ABCG5: variants seen among roughly 807,000 people sequenced by gnomAD.
ABCG5 encodes the protein ATP binding cassette subfamily G member 5.
A neutral mutation model predicts 64.5 loss-of-function variants in ABCG5; 64 were observed. The observed-to-expected ratio is 0.99, with a 90% CI of 0.81 to 1.22. The LOEUF is 1.22. Among genes scored for constraint, ABCG5 ranks in the 50% most tolerant of loss-of-function variants. The pLI is 0.00. For synonymous variants in ABCG5, 385 were observed against 326.3 expected (o/e 1.18, Z -1.94); for missense variants, 908 against 829.5 (o/e 1.09, Z -1.16).
chr2:43,811,088 G>T (rs1048990988), downstream of ABCG5, among the ~76,000 whole-genome samples: 3 of 152,136 alleles, frequency 2.0e-5, no homozygotes, highest in Admixed American at 1.3e-4. Flanking sequence ...ATGAATAGTA[G>T]AAAATGTTTC....
At chr2:43,806,352 A>T in the ABCG5 span, among the ~76,000 whole-genome samples, 9 of 152,334 alleles carry the variant, frequency 5.9e-5, no homozygotes, top group Admixed American at 3.9e-4. Flanking sequence ...GGTAACCTGA[A>T]AACAGCTGTC....
intron 12 of ABCG5, among the ~76,000 whole-genome samples, chr2:43,813,818 A>G (rs1252758643): frequency 6.9e-6 from 1 of 145,726 alleles, no homozygotes; most frequent in Admixed American, 7.2e-5. Flanking sequence ...CCCAGATTCA[A>G]GTGATTCTCA....
rs747621786 is a variant in ABCG5 at position 43,824,121 on chromosome 2, G to A, written c.1119-3C>T. ...TCACCAAGTTTCTTGTCACTCTCCT[G>A]AAAACAAACAACCCTGTTTTAATTC... On this transcript the variant is annotated splice_region_variant and splice_polypyrimidine_tract_variant and intron_variant, in intron 8 of 12. Coordinates refer to ENST00000405322, the MANE Select transcript of ABCG5 (RefSeq NM_022436.3). 9 of 1,614,174 alleles carry A rather than the reference G, an allele frequency of 5.6e-6. No homozygotes were observed. Among genetic ancestry groups the A allele is most frequent in the Non-Finnish European group, 7.6e-6 (9 of 1,180,036 alleles).
At chr2:43,816,543 C>T (rs1666843187) in intron 11 of ABCG5, among the ~76,000 whole-genome samples, 1 of 152,058 alleles carries the variant, frequency 6.6e-6, no homozygotes, top group African/African-American at 2.4e-5. Flanking sequence ...TTGGTTTGTG[C>T]TTTGTCTTTT....
chr2:43,826,137 G>A (rs902437838), intron 6 of ABCG5, among the ~76,000 whole-genome samples: 1 of 151,776 alleles, frequency 6.6e-6, no homozygotes, highest in Non-Finnish European at 1.5e-5. Flanking sequence ...CACCATGCCT[G>A]GCTAATTTTT....
Position 43,820,081 on chromosome 2 carries a change from C to G in ABCG5, c.1483G>C (p.Glu495Gln), listed in dbSNP as rs766464428. ...GAAAAATATCCAAATCGGGCAACCT[C>G]AGGATGTAAGCCCAGCGTCCTAGAA... ...VCYWTLGLHP[E>Q]VARFGYFSAA... is the part of the protein sequence containing the mutation. The change falls in exon 11 of 13, where the codon GAG becomes CAG. Residue 495 changes from glutamate to glutamine, a missense_variant. Coordinates refer to ENST00000405322, the MANE Select transcript of ABCG5 (RefSeq NM_022436.3). The G allele has an allele frequency of 6.2e-6, 10 of 1,613,922 alleles. No homozygotes were observed. In the South Asian group the frequency reaches 1.1e-4, roughly 18 times the overall value.
At chr2:43,810,467 C>T (rs770513367), downstream of ABCG5, 23 of 985,382 alleles carry the variant, frequency 2.3e-5, no homozygotes, top group Non-Finnish European at 2.4e-5. Flanking sequence ...GTGGGATAGC[C>T]TTTAAGAAGC....
In ABCG5 at chr2:43,819,944, C is replaced by T. The variant is rs145527220; in HGVS notation, c.1620G>A (p.Ala540=). The T allele has an allele frequency of 3.0e-5, 48 of 1,613,994 alleles. No individual in the cohort carries two copies. The highest frequency in any genetic ancestry group is 6.7e-5 in the East Asian group (3 of 44,890). ...GGAATCCAGATCCAACAAGCACCCC[C>T]GCAATGGACAGCAGAGCCACTACAC... ...VNSVVALLSI[A]GVLVGSGFLR... is the part of the protein sequence containing the mutation. The change falls in exon 11 of 13, where the codon GCG becomes GCA. Residue 540 remains alanine (A), a synonymous_variant. Coordinates refer to ENST00000405322, the MANE Select transcript of ABCG5 (RefSeq NM_022436.3).
chr2:43,813,709 G>GGT (rs1666623066), intron 12 of ABCG5, among the ~76,000 whole-genome samples: 3 of 34,064 alleles, frequency 8.8e-5, no homozygotes, highest in Non-Finnish European at 1.6e-4. Context: ...TTTTTTTTTC[G>GGT]TTTTTTTTTT....
chr2:43,822,263 G>C (rs886992302), intron 10 of ABCG5, among the ~76,000 whole-genome samples: 1 of 151,982 alleles, frequency 6.6e-6, no homozygotes, highest in Non-Finnish European at 1.5e-5. Context: ...CTCCCTTTAT[G>C]CTTCACCTCC....
At chr2:43,838,854 C>G, upstream of ABCG5, 1 of 1,303,068 alleles carries the variant, frequency 7.7e-7, no homozygotes, top group Non-Finnish European at 1.1e-6. This position sits in a 1 kb window ranked among gnomAD's most constrained non-coding sequence, Gnocchi z 4.2. Flanking sequence ...TACCTTTAGC[C>G]AGCGCGTCCT....
Position 43,838,684 on chromosome 2 carries a change from A to G in ABCG5, c.-5T>C. ...CAAAGATGAGAGGTCACCCATGGCC[A>G]ACAGGCAGCAAAGCTGGGCAAATTT... On this transcript the variant is annotated 5_prime_UTR_variant, in exon 1 of 13. Coordinates refer to ENST00000405322, the MANE Select transcript of ABCG5 (RefSeq NM_022436.3). The surrounding 1 kb of genome is among the most constrained non-coding windows in gnomAD (Gnocchi z 4.2). 5.0e-6 allele frequency: 8 copies of G among 1,613,544 alleles called. No individual in the cohort carries two copies. The highest frequency in any genetic ancestry group is 6.8e-6 in the Non-Finnish European group (8 of 1,179,908).
chr2:43,830,815 T>A (rs1667909110), intron 4 of ABCG5, among the ~76,000 whole-genome samples: 1 of 152,202 alleles, frequency 6.6e-6, no homozygotes, highest in East Asian at 1.9e-4. Context: ...CCCGGTGGGT[T>A]TACCTGTGGC....
chr2:43,820,273 T>C (rs1667102070), intron 10 of ABCG5, among the ~76,000 whole-genome samples, 173 bp from the exon 11 acceptor site: 1 of 152,216 alleles, frequency 6.6e-6, no homozygotes, highest in Admixed American at 6.5e-5. Context: ...TGAGACTATT[T>C]ATTATATCAA....
chr2:43,823,342 CCA>C (rs1667371138), intron 9 of ABCG5, among the ~76,000 whole-genome samples: 1 of 147,568 alleles, frequency 6.8e-6, no homozygotes, highest in African/African-American at 2.5e-5. Context: ...CAGGCAAACC[CCA>C]CAGATGCAGA....
At chr2:43,810,674 A>G (rs762457877), downstream of ABCG5, among the ~76,000 whole-genome samples, 4 of 152,204 alleles carry the variant, frequency 2.6e-5, no homozygotes, top group East Asian at 1.9e-4. Flanking sequence ...GCTTATTGCA[A>G]TGAACTAGGA....
chr2:43,838,551 G>C lies in ABCG5; in HGVS notation c.129C>G (p.Ala43=). ...CTCTGCCTTACCTGACGCTGTAGGA[G>C]GCATGGAGGATGCCCAGGCTGTGAG... is the stretch of plus-strand genomic sequence containing the variant. ...PEPHSLGILH[A]SYSVSHRVRP... is the part of the protein sequence containing the mutation. The change falls in exon 1 of 13, where the codon GCC becomes GCG. Residue 43 remains alanine, a synonymous_variant. Coordinates refer to ENST00000405322, the MANE Select transcript of ABCG5 (RefSeq NM_022436.3). This position sits in a 1 kb window ranked among gnomAD's most constrained non-coding sequence, Gnocchi z 4.2. 1 of 1,606,294 alleles carries C rather than the reference G, an allele frequency of 6.2e-7. No homozygotes were observed.
downstream of ABCG5, among the ~76,000 whole-genome samples, chr2:43,807,657 A>C (rs946883836): frequency 4.7e-5 from 7 of 147,736 alleles, no homozygotes; most frequent in African/African-American, 1.0e-4. Context: ...CGCCTAAAGC[A>C]ATCCTCCTGA....
At chr2:43,838,946 G>A, upstream of ABCG5, 1 of 1,310,922 alleles carries the variant, frequency 7.6e-7, no homozygotes. This position sits in a 1 kb window ranked among gnomAD's most constrained non-coding sequence, Gnocchi z 4.2. Flanking sequence ...CCCAGGGCAG[G>A]AGGCCGAGGT....
Sources: allele counts gnomAD v4.1 joint callset (sites outside exome capture counted in the v4.1 genomes callset), GRCh38; gene constraint gnomAD v4.1.1; non-coding constraint Gnocchi (gnomAD v3.1); transcripts MANE v1.5; gene names NCBI Gene and HGNC (gene_info 2026-07-23, HGNC 2026-07-21).